The following PRKCB variants were observed in gnomAD, a reference collection of about 807,000 sequenced individuals.
The protein encoded by PRKCB is protein kinase C beta type.
PRKCB carries 13 observed loss-of-function variants against 81.5 expected under a neutral mutation model. That is an observed-to-expected ratio of 0.16 (90% confidence interval 0.10 to 0.25). The LOEUF is 0.25. Ranked by LOEUF, PRKCB falls within the 10% of genes least tolerant of loss-of-function variation. The pLI, the probability that PRKCB is intolerant of heterozygous loss-of-function variation, is 1.00. For missense variants in PRKCB, 509 were observed against 875.7 expected, an observed-to-expected ratio of 0.58 and a Z score of 5.29; for synonymous variants, 335 against 321.4, an observed-to-expected ratio of 1.04 and a Z score of -0.45.
intron 2 of PRKCB, among the ~76,000 whole-genome samples, chr16:23,986,690 C>T (rs1389442375): frequency 6.6e-6 from 1 of 152,158 alleles, no homozygotes; most frequent in Non-Finnish European, 1.5e-5. Flanking sequence ...TCCTGCAACT[C>T]CCATTTCTTA....
At chr16:24,092,700 A>G (rs963581334) in intron 5 of PRKCB, 91 bp from the exon 6 acceptor site, 1 of 1,302,476 alleles carries the variant, frequency 7.7e-7, no homozygotes, top group African/African-American at 1.5e-5. Flanking sequence ...GTGTGATGCC[A>G]AAGAACCTTC....
Position 24,219,067 on chromosome 16 carries a change from G to A in PRKCB, c.*4251G>A. On this transcript the variant is annotated 3_prime_UTR_variant, in exon 17 of 17. Transcript: ENST00000643927. The stretch of plus-strand genomic sequence containing the variant: ...TGAGGAAAGACAAGAGGCTTGCAAG[G>A]ACCCTGAAGAGGTCGGAGCATCATA... 1 of 985,406 alleles carries A rather than the reference G, an allele frequency of 1.0e-6. No homozygotes were observed. The highest frequency in any genetic ancestry group is 1.2e-6 in the Non-Finnish European group (1 of 830,000). 61.0% of individuals were successfully genotyped at this position (985,406 alleles called of 1,614,324 possible).
At chr16:23,919,578 T>A (rs1329177583) in intron 2 of PRKCB, among the ~76,000 whole-genome samples, 1 of 152,238 alleles carries the variant, frequency 6.6e-6, no homozygotes, top group Non-Finnish European at 1.5e-5. Context: ...AGGATCACAT[T>A]GTTGTGCTAT....
chr16:23,990,986 T>G (rs1282356110), intron 3 of PRKCB, among the ~76,000 whole-genome samples: 2 of 152,220 alleles, frequency 1.3e-5, no homozygotes, highest in African/African-American at 4.8e-5. Context: ...TCTTACTTTG[T>G]TTCTGCTTTG....
At position 24,044,401 on chromosome 16, in the gene PRKCB, T is replaced by A. The variant is rs370961735; in HGVS notation, c.529+8854T>A. The stretch of plus-strand genomic sequence containing the variant: ...AAAAGACTGAATTAAAATGAGAAAA[T>A]GAGTATAATTTTTGACATGGGAACT... On this transcript the variant is annotated intron_variant, in intron 5 of 16. Transcript: ENST00000643927. 1.1e-4 allele frequency among the ~76,000 whole-genome samples: 17 copies of A among 152,106 alleles called. 1 individual carries two copies. In the East Asian group the frequency reaches 2.1e-3, roughly 19 times the overall value.
At chr16:24,182,754 G>C (rs1045007078) in intron 13 of PRKCB, among the ~76,000 whole-genome samples, 41 of 152,256 alleles carry the variant, frequency 2.7e-4, no homozygotes, top group African/African-American at 8.2e-4. Context: ...CCACACAGTT[G>C]AGGGTTTCTT....
At chr16:23,953,648 A>T (rs1443017320) in intron 2 of PRKCB, among the ~76,000 whole-genome samples, 1 of 152,166 alleles carries the variant, frequency 6.6e-6, no homozygotes, top group African/African-American at 2.4e-5. Context: ...GAAGATCTTC[A>T]TGGCAGGAAA....
intron 8 of PRKCB, 112 bp downstream of exon 8, chr16:24,113,181 T>A (rs1966696123): frequency 1.5e-6 from 1 of 684,994 alleles, no homozygotes; most frequent in Admixed American, 3.5e-5. Context: ...TTTCTCTCCT[T>A]CCTTACTTCC....
chr16:24,172,446 G>C (rs925633305), intron 11 of PRKCB, 85 bp downstream of exon 11: 12 of 1,185,002 alleles, frequency 1.0e-5, no homozygotes, highest in Non-Finnish European at 1.5e-5. Flanking sequence ...TTGCCAAAGA[G>C]GGATCTTTAA....
chr16:24,100,547 T>C (rs1966493268), intron 7 of PRKCB, among the ~76,000 whole-genome samples: 1 of 152,198 alleles, frequency 6.6e-6, no homozygotes, highest in Non-Finnish European at 1.5e-5. Context: ...CTGCTGCTGC[T>C]GGAATGATGT....
At chr16:23,877,727 G>A (rs1310751362) in intron 2 of PRKCB, among the ~76,000 whole-genome samples, 5 of 152,168 alleles carry the variant, frequency 3.3e-5, no homozygotes, top group African/African-American at 1.2e-4. Flanking sequence ...TGGTAATGGA[G>A]AATGGCTACA....
chr16:24,176,266 T>C (rs1967529595), intron 12 of PRKCB, among the ~76,000 whole-genome samples: 3 of 151,952 alleles, frequency 2.0e-5, no homozygotes, highest in Non-Finnish European at 4.4e-5. Flanking sequence ...ATGTGGGTGA[T>C]CCTAGTGAAA....
At chr16:23,886,186 G>T (rs959505049) in intron 2 of PRKCB, among the ~76,000 whole-genome samples, 25 of 152,114 alleles carry the variant, frequency 1.6e-4, no homozygotes, top group African/African-American at 6.0e-4. Flanking sequence ...TTTGCTGTTG[G>T]TTGGCATTAG....
intron 5 of PRKCB, among the ~76,000 whole-genome samples, chr16:24,065,233 C>G (rs1173982596): frequency 6.6e-6 from 1 of 151,454 alleles, no homozygotes; most frequent in Admixed American, 6.6e-5. Context: ...TCTATATCTA[C>G]CACTTCCTAT....
intron 2 of PRKCB, among the ~76,000 whole-genome samples, chr16:23,847,577 C>CATCCATCT (rs112988555): frequency 5.3e-4 from 80 of 150,668 alleles, no homozygotes; most frequent in South Asian, 1.3e-3. Flanking sequence ...TCCATCCATC[C>CATCCATCT]GTCTGGCTAT....
intron 2 of PRKCB, among the ~76,000 whole-genome samples, chr16:23,932,721 G>A (rs967014387): frequency 7.2e-5 from 11 of 152,246 alleles, no homozygotes; most frequent in African/African-American, 2.7e-4. Flanking sequence ...GATGGGGGAA[G>A]CAGTTGCCTT....
intron 9 of PRKCB, among the ~76,000 whole-genome samples, chr16:24,152,900 G>C (rs1216482831): frequency 1.3e-5 from 2 of 152,162 alleles, no homozygotes; most frequent in African/African-American, 4.8e-5. Flanking sequence ...TCTTGCTGTG[G>C]AAGTGTGTGA....
intron 9 of PRKCB, among the ~76,000 whole-genome samples, chr16:24,125,218 G>C (rs1966841134): frequency 1.3e-5 from 2 of 152,136 alleles, no homozygotes; most frequent in Non-Finnish European, 2.9e-5. Context: ...CTTACATTAG[G>C]TCAAGGGGCT....
intron 3 of PRKCB, among the ~76,000 whole-genome samples, chr16:24,000,930 A>G (rs1237487693): frequency 1.3e-5 from 2 of 152,116 alleles, no homozygotes; most frequent in Non-Finnish European, 2.9e-5. Flanking sequence ...AATAACTTTA[A>G]GTTCTGTGAC....
Sources: gnomAD v4.1 joint callset for allele counts (sites outside exome capture counted in the v4.1 genomes callset) on GRCh38, gnomAD v4.1.1 for gene constraint, MANE v1.5 for transcripts, NCBI Gene and HGNC (gene_info 2026-07-23, HGNC 2026-07-21) for gene names.